Variants in OR7D2 observed in about 807,000 individuals in gnomAD.
OR7D2 encodes olfactory receptor 7D2.
For missense variants in OR7D2, 370 were observed against 384.1 expected, an observed-to-expected ratio of 0.96 and a Z score of 0.31; for synonymous variants, 158 against 158.7, an observed-to-expected ratio of 1.00 and a Z score of 0.03.
In OR7D2 at chr19:9,186,526, T is replaced by C. The variant is rs764984654; in HGVS notation, c.745T>C (p.Ser249Pro). The change falls in exon 3 of 3, where the codon TCT (serine) becomes CCT (proline). Residue 249 changes from serine to proline, a missense_variant. Ser to Pro is a moderately conservative substitution (Grantham distance 74, BLOSUM62 -1). Transcript: ENST00000641288. ...STCGSHLSVV[S>P]LFYGTGIGVH... ...CTGTGGGTCTCACCTCTCCGTCGTT[T>C]CTTTATTTTATGGGACAGGCATTGG... 1.2e-6 allele frequency: 2 copies of C among 1,613,916 alleles called. No homozygotes were observed. The highest frequency in any genetic ancestry group is 1.6e-4 in the Middle Eastern group (1 of 6,062).
chr19:9,182,144 TTTTG>T (rs1482833830), intron 2 of OR7D2, among the ~76,000 whole-genome samples: 1 of 152,198 alleles, frequency 6.6e-6, no homozygotes, highest in Admixed American at 6.5e-5. Flanking sequence ...GAATTGGCAT[TTTTG>T]TTTATTTATC....
Position 9,185,985 on chromosome 19 carries a change from G to C in OR7D2, c.204G>C (p.Trp68Cys). The C allele has an allele frequency of 1.9e-6, 3 of 1,614,006 alleles. No individual in the cohort carries two copies. The highest frequency in any genetic ancestry group is 2.5e-6 in the Non-Finnish European group (3 of 1,179,990). ...ACTTCTTCCTCTCCAACCTGTCCTG[G>C]GTTGACATCTGTTTCAGCACTTGCA... is the stretch of plus-strand genomic sequence containing the variant. ...PMYFFLSNLS[W>C]VDICFSTCIV... is the part of the protein sequence containing the mutation. Residue 68 changes from tryptophan to cysteine, a missense_variant, in exon 3 of 3, where the codon TGG becomes TGC. Physicochemically the swap from Trp to Cys is radical, Grantham distance 215 (BLOSUM62 -2). Coordinates refer to ENST00000641288, the MANE Select transcript of OR7D2 (RefSeq NM_175883.4).
intron 2 of OR7D2, among the ~76,000 whole-genome samples, chr19:9,183,361 A>G (rs2051005092): frequency 6.6e-6 from 1 of 152,078 alleles, no homozygotes; most frequent in African/African-American, 2.4e-5. Flanking sequence ...TGCATCCTCG[A>G]ACACTGTGGC....
intron 2 of OR7D2, among the ~76,000 whole-genome samples, chr19:9,181,711 C>A (rs1028792637): frequency 2.6e-5 from 4 of 152,164 alleles, no homozygotes; most frequent in African/African-American, 9.7e-5. Flanking sequence ...CACAGCCTCA[C>A]AAAGTGCTGG....
rs2051034021 is a variant in OR7D2 at position 9,186,376 on chromosome 19, A to T, written c.595A>T (p.Ile199Leu). The T allele has an allele frequency of 6.2e-7, 1 of 1,613,936 alleles. No homozygotes were observed. The highest frequency in any genetic ancestry group is 8.5e-7 in the Non-Finnish European group (1 of 1,180,000). ...CSDTFLNSTL[I>L]YFMTGVLGVF... ...TGATACCTTCCTGAACAGCACGTTG[A>T]TATACTTTATGACGGGTGTGCTGGG... The change falls in exon 3 of 3, where the codon ATA becomes TTA. Residue 199 changes from isoleucine to leucine, a missense_variant. Transcript: ENST00000641288.
chr19:9,179,249 C>G (rs1286802028), intron 1 of OR7D2, 126 bp downstream of exon 1: 1 of 152,162 alleles, frequency 6.6e-6, no homozygotes. Flanking sequence ...TAAAATGTCT[C>G]TAGGATTCCC....
intron 2 of OR7D2, among the ~76,000 whole-genome samples, chr19:9,184,849 A>G (rs1012745905): frequency 3.9e-5 from 6 of 152,126 alleles, no homozygotes; most frequent in Admixed American, 1.3e-4. Flanking sequence ...CCACTGATTG[A>G]TAAAATAGGA....
chr19:9,186,589 A>G lies in OR7D2; in HGVS notation c.808A>G (p.Lys270Glu), dbSNP rs940399066. The change falls in exon 3 of 3, where the codon AAA becomes GAA. Residue 270 changes from lysine to glutamate, a missense_variant. Coordinates refer to ENST00000641288, the MANE Select transcript of OR7D2 (RefSeq NM_175883.4). Reference protein sequence around the residue: ...FTSAVTHSSQKISVASVMYTV... With the variant: ...FTSAVTHSSQEISVASVMYTV... ...TTCTGCGGTGACTCACTCTTCCCAG[A>G]AAATCTCCGTGGCCTCGGTGATGTA... 1 of 1,613,988 alleles carries G rather than the reference A, an allele frequency of 6.2e-7. No individual in the cohort carries two copies. The highest frequency in any genetic ancestry group is 1.3e-5 in the African/African-American group (1 of 74,908).
intron 2 of OR7D2, among the ~76,000 whole-genome samples, chr19:9,181,889 G>A (rs2050992072): frequency 1.3e-5 from 2 of 152,106 alleles, no homozygotes; most frequent in South Asian, 2.1e-4. Flanking sequence ...ATGATGTTTC[G>A]CTGTTTCCAG....
intron 2 of OR7D2, among the ~76,000 whole-genome samples, chr19:9,183,208 G>A (rs2051004024): frequency 6.6e-6 from 1 of 152,142 alleles, no homozygotes; most frequent in Non-Finnish European, 1.5e-5. Context: ...CCGTGGGTGG[G>A]TTCCGGGGCA....
At chr19:9,183,160 G>T (rs984299005) in intron 2 of OR7D2, 6 of 176,330 alleles carry the variant, frequency 3.4e-5, no homozygotes, top group Non-Finnish European at 7.3e-5. Flanking sequence ...CTATTCCAAG[G>T]CCGCCCCACC....
Position 9,186,856 on chromosome 19 carries a change from C to T in OR7D2, c.*136C>T, listed in dbSNP as rs971809410. On this transcript the variant is annotated 3_prime_UTR_variant, in exon 3 of 3. Transcript: ENST00000641288. The stretch of plus-strand genomic sequence containing the variant: ...GTACAAATGCAGATTTCTTAACATG[C>T]ATTTGCATAAGGGTGAAGTCTGAGC... 5.2e-5 allele frequency: 34 copies of T among 649,908 alleles called. No homozygotes were observed. The highest frequency in any genetic ancestry group is 3.1e-5 in the Non-Finnish European group (12 of 387,022). The allele number at this position is 649,908 out of a possible 1,614,324, so 40.3% of individuals were successfully genotyped here. A position where few individuals can be genotyped will look rare whatever the true frequency, so the allele number is the denominator to read the frequency against.
At position 9,186,586 on chromosome 19, in the gene OR7D2, C is replaced by T. The variant is rs371927365; in HGVS notation, c.805C>T (p.Gln269Ter). Residue 269 changes from glutamine (Q) to a stop codon, truncating the protein, a stop_gained, in exon 3 of 3, where the codon CAG becomes TAG. Coordinates refer to ENST00000641288, the MANE Select transcript of OR7D2 (RefSeq NM_175883.4). LOFTEE classifies it low-confidence loss of function (END_TRUNC). Reference sequence around the variant, plus strand: ...CACTTCTGCGGTGACTCACTCTTCCCAGAAAATCTCCGTGGCCTCGGTGAT... The same window carrying T: ...CACTTCTGCGGTGACTCACTCTTCCTAGAAAATCTCCGTGGCCTCGGTGAT... The part of the protein sequence containing the change: ...HFTSAVTHSS[Q>*]KISVASVMYT... The T allele has an allele frequency of 2.5e-6, 4 of 1,613,944 alleles. No individual in the cohort carries two copies. The African/African-American group carries it at 5.3e-5, about 22-fold the overall frequency.
chr19:9,183,995 A>G (rs1390041167), intron 2 of OR7D2, among the ~76,000 whole-genome samples: 1 of 113,400 alleles, frequency 8.8e-6, no homozygotes, highest in Admixed American at 9.0e-5. Flanking sequence ...AAAAAAAAAG[A>G]CAAGAGTTGG....
At chr19:9,183,300 G>A (rs1347447869) in intron 2 of OR7D2, among the ~76,000 whole-genome samples, 1 of 152,056 alleles carries the variant, frequency 6.6e-6, no homozygotes, top group Non-Finnish European at 1.5e-5. Context: ...TTTAAGACAT[G>A]GTCTCGCCCT....
chr19:9,186,102 T>A lies in OR7D2; in HGVS notation c.321T>A (p.Phe107Leu). The A allele has an allele frequency of 6.2e-7, 1 of 1,614,140 alleles. No individual in the cohort carries two copies. Among genetic ancestry groups the A allele is most frequent in the Non-Finnish European group, 8.5e-7 (1 of 1,180,018 alleles). Residue 107 changes from phenylalanine (F) to leucine (L), a missense_variant, in exon 3 of 3, where the codon TTT (phenylalanine) becomes TTA (leucine). Transcript: ENST00000641288. ...CLTQVYFSMFFPILDTLLLTV... is the reference protein window; with the variant it reads ...CLTQVYFSMFLPILDTLLLTV... ...CACAGGTCTATTTCTCCATGTTTTT[T>A]CCTATTCTGGACACGCTACTCCTGA...
Position 9,185,822 on chromosome 19 carries a change from T to C in OR7D2, c.41T>C (p.Leu14Pro), listed in dbSNP as rs759304356. 6.2e-7 allele frequency: 1 copy of C among 1,603,064 alleles called. No individual in the cohort carries two copies. Among genetic ancestry groups the C allele is most frequent in the East Asian group, 2.2e-5 (1 of 44,856 alleles). Residue 14 changes from leucine to proline, a missense_variant, in exon 3 of 3, where the codon CTT (leucine) becomes CCT (proline). Physicochemically the swap from Leu to Pro is moderately conservative, Grantham distance 98. Coordinates refer to ENST00000641288, the MANE Select transcript of OR7D2 (RefSeq NM_175883.4). The part of the protein sequence containing the change: ...GNQTGFLEFI[L>P]LGLSEDPELQ... ...CAAACAGGATTTTTAGAGTTTATCCTTCTCGGACTCTCTGAGGATCCAGAA... is the reference window on the plus strand; with the variant it reads ...CAAACAGGATTTTTAGAGTTTATCCCTCTCGGACTCTCTGAGGATCCAGAA...
intron 2 of OR7D2, among the ~76,000 whole-genome samples, chr19:9,182,066 G>A (rs576878283): frequency 1.2e-4 from 18 of 152,120 alleles, no homozygotes; most frequent in Admixed American, 9.2e-4. Context: ...ATTTAATATG[G>A]GTGGTTAACT....
Position 9,187,884 on chromosome 19 carries a change from G to C in OR7D2, c.*1164G>C, listed in dbSNP as rs746588564. ...TTATTTGGTTCCTTTTTATGGATAA[G>C]TAGTATTCCATGCTGTACATATACC... On this transcript the variant is annotated 3_prime_UTR_variant, in exon 3 of 3. Coordinates refer to ENST00000641288, the MANE Select transcript of OR7D2 (RefSeq NM_175883.4). 18 of 164,450 alleles carry C rather than the reference G, an allele frequency of 1.1e-4. No homozygotes were observed. Among genetic ancestry groups the C allele is most frequent in the Non-Finnish European group, 2.6e-4 (18 of 68,096 alleles). 10.2% of individuals were successfully genotyped at this position (164,450 alleles called of 1,614,324 possible).
Sources: gnomAD v4.1 joint callset for allele counts (sites outside exome capture counted in the v4.1 genomes callset) on GRCh38, gnomAD v4.1.1 for gene constraint, MANE v1.5 for transcripts, NCBI Gene and HGNC (gene_info 2026-07-23, HGNC 2026-07-21) for gene names.